The following NDUFS2 variants were observed in gnomAD, a reference collection of about 807,000 sequenced individuals.
NDUFS2 encodes NADH dehydrogenase [ubiquinone] iron-sulfur protein 2, mitochondrial.
Under a neutral mutation model 69.6 loss-of-function variants are expected in NDUFS2, and 38 were observed. That is an observed-to-expected ratio of 0.55 (90% confidence interval 0.42 to 0.72). The LOEUF is 0.72. NDUFS2 is among the 30% of genes least tolerant of loss of function. The pLI, the probability that NDUFS2 is intolerant of heterozygous loss-of-function variation, is 0.00. For missense variants in NDUFS2, 468 were observed against 595.0 expected, an observed-to-expected ratio of 0.79 and a Z score of 2.22; for synonymous variants, 194 against 211.2, an observed-to-expected ratio of 0.92 and a Z score of 0.70.
chr1:161,204,594 C>T (rs781584173), intron 2 of NDUFS2, among the ~76,000 whole-genome samples: 35 of 152,170 alleles, frequency 2.3e-4, no homozygotes, highest in African/African-American at 7.7e-4. Flanking sequence ...GTTATTCATA[C>T]TCTTGCTCCA....
At chr1:161,198,458 C>CG (rs1429794322), upstream of NDUFS2, 6 of 1,573,022 alleles carry the variant, frequency 3.8e-6, no homozygotes, top group Non-Finnish European at 4.3e-6. The surrounding 1 kb of genome is among the most constrained non-coding windows in gnomAD (Gnocchi z 4.7). Flanking sequence ...CTCCTCCTCC[C>CG]GGGGGAGGGG....
chr1:161,213,133 G>A, intron 10 of NDUFS2: 1 of 418,764 alleles, frequency 2.4e-6, no homozygotes. Context: ...TTGAACACCT[G>A]ACCTCTTGAT....
rs575780957 is a variant in NDUFS2, at chr1:161,210,476, G to T, written c.866+87G>T. ...ATATCTTGTCTTTGAAGACTTGTTG[G>T]CATCCTCCTAGTCATACCCTGAATG... is the stretch of plus-strand genomic sequence containing the variant. On this transcript the variant is annotated intron_variant, in intron 8 of 13. Coordinates refer to ENST00000676972, the MANE Select transcript of NDUFS2 (RefSeq NM_001377299.1). 3.1e-6 allele frequency: 5 copies of T among 1,601,894 alleles called. No homozygotes were observed. The South Asian group carries it at 5.5e-5, about 18-fold the overall frequency.
upstream of NDUFS2, chr1:161,198,769 G>A (rs1027963668): frequency 1.0e-5 from 8 of 764,538 alleles, no homozygotes; most frequent in Non-Finnish European, 1.4e-5. The surrounding 1 kb of genome is among the most constrained non-coding windows in gnomAD (Gnocchi z 4.7). Context: ...GAAGGGCTGA[G>A]GACCGTTAAA....
upstream of NDUFS2, chr1:161,198,686 C>T: frequency 7.1e-7 from 1 of 1,413,686 alleles, no homozygotes; most frequent in Non-Finnish European, 9.3e-7. The surrounding 1 kb of genome is among the most constrained non-coding windows in gnomAD (Gnocchi z 4.7). Context: ...GTCCTCCACA[C>T]CCTAGCTTTG....
At position 161,205,352 on chromosome 1, in the gene NDUFS2, A is replaced by G. The variant is rs554776078; in HGVS notation, c.203-1055A>G. On this transcript the variant is annotated intron_variant, in intron 2 of 13. Coordinates refer to ENST00000676972, the MANE Select transcript of NDUFS2 (RefSeq NM_001377299.1). ...ATCATCCCTCTCTTAGGAAGTCCCA[A>G]TAAGAGTTCCATGGATGTTTACTTC... Among the ~76,000 whole-genome samples, 130 of 152,298 alleles carry G rather than the reference A, an allele frequency of 8.5e-4. 1 individual carries two copies. Among genetic ancestry groups the G allele is most frequent in the African/African-American group, 2.8e-3 (118 of 41,568 alleles).
chr1:161,207,995 TTTTTTTG>T (rs1665566473), intron 3 of NDUFS2, among the ~76,000 whole-genome samples: 1 of 144,370 alleles, frequency 6.9e-6, no homozygotes, highest in African/African-American at 2.6e-5. Flanking sequence ...TTTTTTTTTT[TTTTTTTG>T]AGACGGAGTT....
In NDUFS2 at chr1:161,213,660, G is replaced by C. The variant is rs376693675; in HGVS notation, c.1224G>C (p.Gly408=). ...TAIEAPKGEF[G]VYLVSDGSSR... ...TCTTCCTTGAACAGGGAGAGTTTGG[G>C]GTGTACCTGGTGTCTGATGGCAGCA... The change falls in exon 12 of 14, where the codon GGG becomes GGC. Residue 408 remains glycine (G), a synonymous_variant. Transcript: ENST00000676972. 1 of 1,614,026 alleles carries C rather than the reference G, an allele frequency of 6.2e-7. No homozygotes were observed. Among genetic ancestry groups the C allele is most frequent in the Non-Finnish European group, 8.5e-7 (1 of 1,180,022 alleles).
Position 161,212,486 on chromosome 1 carries a change from C to T in NDUFS2, c.1116+6C>T. The T allele has an allele frequency of 6.2e-7, 1 of 1,611,570 alleles. No individual in the cohort carries two copies. The highest frequency in any genetic ancestry group is 8.5e-7 in the Non-Finnish European group (1 of 1,179,602). ...CTAAGCGAGCAGAGATGAAGGTTGG[C>T]TGCAGGGAGGGGGAAAGTGTGGGGT... On this transcript the variant is annotated splice_donor_region_variant and intron_variant, in intron 10 of 13. Coordinates refer to ENST00000676972, the MANE Select transcript of NDUFS2 (RefSeq NM_001377299.1).
chr1:161,198,253 G>C, upstream of NDUFS2: 2 of 1,614,022 alleles, frequency 1.2e-6, no homozygotes, highest in South Asian at 2.2e-5. This position sits in a 1 kb window ranked among gnomAD's most constrained non-coding sequence, Gnocchi z 4.7. Flanking sequence ...TCAGGTAGGT[G>C]CCAGGCTCTG....
At chr1:161,205,727 T>C (rs1055195573) in intron 2 of NDUFS2, among the ~76,000 whole-genome samples, 2 of 149,916 alleles carry the variant, frequency 1.3e-5, no homozygotes, top group African/African-American at 4.9e-5. Context: ...GAGATGGTGC[T>C]GCTGCACTCC....
chr1:161,209,830 C>T (rs764405325), intron 5 of NDUFS2, 27 bp from the exon 6 acceptor site: 4 of 1,610,312 alleles, frequency 2.5e-6, no homozygotes, highest in Non-Finnish European at 3.4e-6. Flanking sequence ...GGGACTTTGA[C>T]ACTAATTCCC....
Position 161,210,711 on chromosome 1 carries a change from G to T in NDUFS2, c.986+1G>T, listed in dbSNP as rs1665725568. ...GTTCTCGAGGGGACTGCTATGATAG[G>T]TAAGGCCCCAATCCTTTCTTGGCTG... On this transcript the variant is annotated splice_donor_variant, in intron 9 of 13. Transcript: ENST00000676972. LOFTEE classifies it high-confidence loss of function. The T allele has an allele frequency of 6.2e-7, 1 of 1,613,998 alleles. No individual in the cohort carries two copies. The highest frequency in any genetic ancestry group is 8.5e-7 in the Non-Finnish European group (1 of 1,179,974).
rs1420193638 is a variant in NDUFS2, at chr1:161,206,509, G to A, written c.305G>A (p.Ser102Asn). Residue 102 changes from serine to asparagine, a missense_variant, in exon 3 of 14, where the codon AGT (serine) becomes AAT (asparagine). Coordinates refer to ENST00000676972, the MANE Select transcript of NDUFS2 (RefSeq NM_001377299.1). ...GTCCTGCGACTAGTGATGGAATTGA[G>A]TGGGGAGATGGTGCGGAAGTGTGAT... ...HGVLRLVMEL[S>N]GEMVRKCDPH... 5 of 1,614,258 alleles carry A rather than the reference G, an allele frequency of 3.1e-6. No homozygotes were observed. The South Asian group carries it at 5.5e-5, about 18-fold the overall frequency.
chr1:161,204,804 A>G (rs949813504), intron 2 of NDUFS2, among the ~76,000 whole-genome samples: 2 of 152,204 alleles, frequency 1.3e-5, no homozygotes, highest in East Asian at 3.8e-4. Context: ...GGTGGCTCAC[A>G]CTTTGGGAGG....
intron 2 of NDUFS2, among the ~76,000 whole-genome samples, chr1:161,205,672 A>G (rs2102035632): frequency 6.6e-6 from 1 of 152,086 alleles, no homozygotes; most frequent in South Asian, 2.1e-4. Context: ...GGAGGCTGAC[A>G]CAGGAGAATT....
chr1:161,203,317 A>AAAAAC (rs889274472), intron 1 of NDUFS2, 120 bp from the exon 2 acceptor site: 2 of 876,044 alleles, frequency 2.3e-6, no homozygotes, highest in Non-Finnish European at 3.7e-6. Flanking sequence ...AAAAAAAACA[A>AAAAAC]AAAACAAAAC....
intron 10 of NDUFS2, chr1:161,212,743 G>C (rs1391631166): frequency 5.3e-6 from 2 of 378,278 alleles, no homozygotes; most frequent in South Asian, 4.2e-5. Context: ...GTATTCAGTA[G>C]AGACAGGGTT....
chr1:161,214,281 G>T lies in NDUFS2; in HGVS notation c.*88G>T. On this transcript the variant is annotated 3_prime_UTR_variant, in exon 14 of 14. Transcript: ENST00000676972. The stretch of plus-strand genomic sequence containing the variant: ...TGGAAATTGGCCTCTGTGTGTGTGT[G>T]TGTGTGTGTGTGTGTGTGTATGTTC... The T allele has an allele frequency of 9.1e-7, 1 of 1,096,274 alleles. No individual in the cohort carries two copies. Among genetic ancestry groups the T allele is most frequent in the South Asian group, 1.3e-5 (1 of 75,958 alleles). The allele number at this position is 1,096,274 out of a possible 1,614,324, so 67.9% of individuals were successfully genotyped here.
Sources: allele counts gnomAD v4.1 joint callset (sites outside exome capture counted in the v4.1 genomes callset), GRCh38; gene constraint gnomAD v4.1.1; non-coding constraint Gnocchi (gnomAD v3.1); transcripts MANE v1.5; gene names NCBI Gene and HGNC (gene_info 2026-07-23, HGNC 2026-07-21).